Variants in LRRFIP2 observed in about 807,000 individuals in gnomAD.
LRRFIP2 encodes LRR binding FLII interacting protein 2, also known as leucine-rich repeat flightless-interacting protein 2.
Under a neutral mutation model 125.9 loss-of-function variants are expected in LRRFIP2, and 109 were observed. The ratio of observed to expected loss-of-function variants is 0.87; its 90% CI spans 0.74 to 1.01. The LOEUF is 1.01. Among genes scored for constraint, LRRFIP2 ranks in the 50% least tolerant of loss-of-function variants. LRRFIP2 has a pLI of 0.00. For synonymous variants in LRRFIP2, 291 were observed against 293.1 expected (o/e 0.99, Z 0.07); for missense variants, 850 against 862.3 (o/e 0.99, Z 0.18).
chr3:37,135,165 TA>T (rs879090496), intron 2 of LRRFIP2: 88,013 of 720,118 alleles, frequency 0.12, no homozygotes, highest in South Asian at 0.17. Context: ...AATTACTGTT[TA>T]AAAAAAAAAA....
chr3:37,093,104 C>G (rs1182333872), intron 17 of LRRFIP2: 1 of 152,596 alleles, frequency 6.6e-6, no homozygotes, highest in East Asian at 1.9e-4. Context: ...TCCCAAAGTC[C>G]TGGGATTACA....
At position 37,091,490 on chromosome 3, in the gene LRRFIP2, T is replaced by C. The variant is rs138944112; in HGVS notation, c.1084A>G (p.Met362Val). 252 of 1,612,222 alleles carry C rather than the reference T, an allele frequency of 1.6e-4. No homozygotes were observed. The highest frequency in any genetic ancestry group is 2.0e-4 in the Non-Finnish European group (236 of 1,179,184). Reference sequence around the variant, plus strand: ...ACCTTTAGTTCTTTAAGCCCCTGCATGTATCTCCCTTCTACATCCTGTATC... The same window carrying C: ...ACCTTTAGTTCTTTAAGCCCCTGCACGTATCTCCCTTCTACATCCTGTATC... ...DQIQDVEGRY[M>V]QGLKELKESL... Residue 362 changes from methionine (M) to valine (V), a missense_variant, in exon 18 of 28, where the codon ATG becomes GTG. Physicochemically the swap from Met to Val is conservative, Grantham distance 21. Coordinates refer to ENST00000336686, the MANE Select transcript of LRRFIP2 (RefSeq NM_006309.4).
At chr3:37,070,251 T>C in intron 21 of LRRFIP2, among the ~76,000 whole-genome samples, 1 of 151,724 alleles carries the variant, frequency 6.6e-6, no homozygotes, top group East Asian at 2.0e-4. Flanking sequence ...GTAGCTGGGA[T>C]TACAGGTGTG....
At chr3:37,156,311 CTT>C (rs1185983279) in intron 1 of LRRFIP2, among the ~76,000 whole-genome samples, 4 of 151,712 alleles carry the variant, frequency 2.6e-5, no homozygotes, top group African/African-American at 7.3e-5. Flanking sequence ...GAAACTCTAT[CTT>C]TAAAAAAAAT....
At chr3:37,056,458 C>CT (rs202119305) in intron 25 of LRRFIP2, among the ~76,000 whole-genome samples, 1,685 of 145,162 alleles carry the variant, frequency 0.012, 35 homozygotes, top group African/African-American at 0.037. Context: ...AGAGGTTTTT[C>CT]TTTTTTTTTT....
intron 19 of LRRFIP2, among the ~76,000 whole-genome samples, chr3:37,076,580 A>C (rs2092039870): frequency 6.6e-6 from 1 of 151,306 alleles, no homozygotes; most frequent in South Asian, 2.1e-4. Flanking sequence ...GAATCTCTAA[A>C]ACTAGGCCAG....
intron 17 of LRRFIP2, among the ~76,000 whole-genome samples, chr3:37,094,532 G>A (rs1035077603): frequency 6.6e-6 from 1 of 152,078 alleles, no homozygotes; most frequent in African/African-American, 2.4e-5. Context: ...ACATTACAAA[G>A]TGGGTTTTTT....
At chr3:37,165,246 C>CA (rs990138975) in intron 1 of LRRFIP2, among the ~76,000 whole-genome samples, 22 of 149,108 alleles carry the variant, frequency 1.5e-4, no homozygotes, top group East Asian at 1.4e-3. Flanking sequence ...AAAAAAAAAA[C>CA]AAAAAAACAA....
chr3:37,137,906 A>C (rs2095598520), intron 2 of LRRFIP2, among the ~76,000 whole-genome samples: 1 of 152,046 alleles, frequency 6.6e-6, no homozygotes, highest in South Asian at 2.1e-4. Context: ...ACGACCTCCT[A>C]CTTCCTTAAC....
chr3:37,101,261 G>A (rs1369129869), intron 15 of LRRFIP2, among the ~76,000 whole-genome samples: 1 of 151,970 alleles, frequency 6.6e-6, no homozygotes, highest in Non-Finnish European at 1.5e-5. Flanking sequence ...GGAGGCTGAG[G>A]CAGGAGAATC....
chr3:37,059,785 CAA>C (rs78008596), intron 24 of LRRFIP2, among the ~76,000 whole-genome samples: 2 of 144,470 alleles, frequency 1.4e-5, no homozygotes. Context: ...GACTCTGTCT[CAA>C]AAAAAAAAAA....
intron 9 of LRRFIP2, among the ~76,000 whole-genome samples, chr3:37,110,139 C>A (rs1341602379): frequency 6.6e-6 from 1 of 152,084 alleles, no homozygotes; most frequent in African/African-American, 2.4e-5. Context: ...TTTTGGAGAA[C>A]CAGATAAATA....
At chr3:37,172,080 A>G (rs2096593301) in intron 1 of LRRFIP2, among the ~76,000 whole-genome samples, 1 of 152,208 alleles carries the variant, frequency 6.6e-6, no homozygotes, top group Non-Finnish European at 1.5e-5. Flanking sequence ...AGCCCAAGAA[A>G]TAAGTTAAAT....
rs1200382921 is a variant in LRRFIP2, at chr3:37,054,507, C to T, written c.1959G>A (p.Arg653=). The T allele has an allele frequency of 6.2e-7, 1 of 1,613,016 alleles. No homozygotes were observed. Among genetic ancestry groups the T allele is most frequent in the Non-Finnish European group, 8.5e-7 (1 of 1,179,310 alleles). ...TATATCTCAGAACCTGTCCCTCAAGCCGGCTAATCTGTAAGTATGAGAACA... is the reference window on the plus strand; with the variant it reads ...TATATCTCAGAACCTGTCCCTCAAGTCGGCTAATCTGTAAGTATGAGAACA... ...DITTLEQSIS[R]LEGQVLRYKT... is the part of the protein sequence containing the mutation. The change falls in exon 27 of 28, where the codon CGG becomes CGA. Residue 653 remains arginine, a synonymous_variant. Coordinates refer to ENST00000336686, the MANE Select transcript of LRRFIP2 (RefSeq NM_006309.4).
intron 2 of LRRFIP2, among the ~76,000 whole-genome samples, chr3:37,132,284 A>AGCT (rs368962950): frequency 0.39 from 59,106 of 151,782 alleles, 12,123 homozygotes; most frequent in Non-Finnish European, 0.45. Flanking sequence ...TGTATATTAA[A>AGCT]TTGTACCTGA....
rs148008430 is a variant in LRRFIP2, at chr3:37,148,948, A to G, written c.36T>C (p.Pro12=). 9.8e-5 allele frequency: 158 copies of G among 1,614,064 alleles called. No homozygotes were observed. The African/African-American group carries it at 1.9e-3, about 19-fold the overall frequency. The change falls in exon 2 of 28, where the codon CCT becomes CCC. Residue 12 remains proline, a synonymous_variant. Coordinates refer to ENST00000336686, the MANE Select transcript of LRRFIP2 (RefSeq NM_006309.4). The stretch of plus-strand genomic sequence containing the variant: ...CTTCTGCAGAAAATCGGTCTTTCAC[A>G]GGTGTTCTTTTCCTTCCAGAAGCAG... ...GTPASGRKRT[P]VKDRFSAEDE... is the part of the protein sequence containing the mutation.
chr3:37,169,738 G>T (rs1382440196), intron 1 of LRRFIP2, among the ~76,000 whole-genome samples: 2 of 152,158 alleles, frequency 1.3e-5, no homozygotes, highest in Non-Finnish European at 2.9e-5. Context: ...AAGCAGTAAA[G>T]ATATCTGTTA....
chr3:37,160,192 G>C (rs1271064519), intron 1 of LRRFIP2, among the ~76,000 whole-genome samples: 3 of 151,944 alleles, frequency 2.0e-5, no homozygotes, highest in African/African-American at 7.3e-5. Context: ...GAGGGAGTAG[G>C]AAGTGTGGGC....
In LRRFIP2 at chr3:37,165,795, G is replaced by GAGAAAGAAAGAAAAAAAGAAAGAA. The variant is rs1553838139; in HGVS notation, c.-56+8743_-56+8744insTTCTTTCTTTTTTTCTTTCTTTCT. ...GAAAAGAAAAGAAAAGAGAAAGAAA[G>GAGAAAGAAAGAAAAAAAGAAAGAA]AGAAAGAAAGAAAGAAAGAAAGAAA... is the stretch of plus-strand genomic sequence containing the variant. On this transcript the variant is annotated intron_variant, in intron 1 of 27. Transcript: ENST00000336686. 1.9e-3 allele frequency among the ~76,000 whole-genome samples: 34 copies of GAGAAAGAAAGAAAAAAAGAAAGAA among 18,042 alleles called. 2 individuals are homozygous for GAGAAAGAAAGAAAAAAAGAAAGAA. The highest frequency in any genetic ancestry group is 4.2e-3 in the African/African-American group (24 of 5,746). 11.8% of individuals were successfully genotyped at this position (18,042 alleles called of 152,430 possible). A position where few individuals can be genotyped will look rare whatever the true frequency, so the allele number is the denominator to read the frequency against.
Sources: allele counts gnomAD v4.1 joint callset (sites outside exome capture counted in the v4.1 genomes callset), GRCh38; gene constraint gnomAD v4.1.1; transcripts MANE v1.5; gene names NCBI Gene and HGNC (gene_info 2026-07-23, HGNC 2026-07-21).